The following CAMK2B variants were observed in gnomAD, a reference collection of about 807,000 sequenced individuals.
CAMK2B encodes the protein calcium/calmodulin-dependent protein kinase type II subunit beta.
CAMK2B carries 27 observed loss-of-function variants against 93.7 expected under a neutral mutation model. The observed-to-expected ratio is 0.29, with a 90% CI of 0.21 to 0.40. The LOEUF is 0.40. CAMK2B is among the 10% of genes least tolerant of loss of function. The probability of loss-of-function intolerance (pLI) is 1.00; values close to 1 mark genes in which losing one functional copy is unlikely to be tolerated. For synonymous variants in CAMK2B, 374 were observed against 358.8 expected, an observed-to-expected ratio of 1.04 and a Z score of -0.48; for missense variants, 568 against 895.8, an observed-to-expected ratio of 0.63 and a Z score of 4.67.
chr7:44,258,211 A>G (rs895963642), intron 4 of CAMK2B, among the ~76,000 whole-genome samples: 20 of 152,236 alleles, frequency 1.3e-4, no homozygotes, highest in African/African-American at 4.6e-4. Context: ...TGAAACACTC[A>G]CACATGCACA....
chr7:44,282,018 G>C (rs961436846), intron 2 of CAMK2B, among the ~76,000 whole-genome samples: 1 of 152,206 alleles, frequency 6.6e-6, no homozygotes, highest in Non-Finnish European at 1.5e-5. Context: ...TCCCATTCCA[G>C]AGGCTCTACC....
At chr7:44,280,859 T>A (rs973185815) in intron 2 of CAMK2B, among the ~76,000 whole-genome samples, 1 of 151,870 alleles carries the variant, frequency 6.6e-6, no homozygotes, top group Admixed American at 6.6e-5. Flanking sequence ...CACAAGCAGG[T>A]GAAACGCCCA....
chr7:44,239,965 G>A (rs913236846), intron 12 of CAMK2B, among the ~76,000 whole-genome samples: 8 of 152,168 alleles, frequency 5.3e-5, no homozygotes, highest in Non-Finnish European at 1.2e-4. Flanking sequence ...GTGACCGTGT[G>A]CACGCGTTCC....
chr7:44,258,896 C>T lies in CAMK2B; in HGVS notation c.251G>A (p.Gly84Asp). ...CAGATCGAAGACCAGGTAGTGGAAG[C>T]CCTCCTCGGAGATGCTGTCGTGGAG... is the stretch of plus-strand genomic sequence containing the variant. ...VRLHDSISEE[G>D]FHYLVFDLVT... The change falls in exon 4 of 24, where the codon GGC becomes GAC. Residue 84 changes from glycine to aspartate, a missense_variant. Physicochemically the swap from Gly to Asp is moderately conservative, Grantham distance 94 (BLOSUM62 -1). This residue lies in a region of CAMK2B where 105 missense variants were observed against 372.4 expected (regional missense o/e 0.28). Coordinates refer to ENST00000395749, the MANE Select transcript of CAMK2B (RefSeq NM_001220.5). The T allele has an allele frequency of 6.2e-7, 1 of 1,613,964 alleles. No homozygotes were observed. Among genetic ancestry groups the T allele is most frequent in the Non-Finnish European group, 8.5e-7 (1 of 1,179,946 alleles).
At chr7:44,246,739 C>T (rs2096734614) in intron 6 of CAMK2B, among the ~76,000 whole-genome samples, 1 of 152,216 alleles carries the variant, frequency 6.6e-6, no homozygotes, top group African/African-American at 2.4e-5. Flanking sequence ...CATGTGCACA[C>T]ACACTCACAC....
Position 44,271,553 on chromosome 7 carries a change from C to T in CAMK2B, c.161-8489G>A, listed in dbSNP as rs1027279781. 6.6e-6 allele frequency among the ~76,000 whole-genome samples: 1 copy of T among 152,156 alleles called. No individual in the cohort carries two copies. The highest frequency in any genetic ancestry group is 2.4e-5 in the African/African-American group (1 of 41,452). ...GGCTGTGGGGTGGGGCAGGCAGAGG[C>T]CAGCTCACATCTTGGGGCCAGCACT... On this transcript the variant is annotated intron_variant, in intron 2 of 23. Coordinates refer to ENST00000395749, the MANE Select transcript of CAMK2B (RefSeq NM_001220.5). The surrounding 1 kb of genome is among the most constrained non-coding windows in gnomAD (Gnocchi z 4.2).
chr7:44,270,772 T>A (rs1584443728), intron 2 of CAMK2B, among the ~76,000 whole-genome samples: 2 of 152,192 alleles, frequency 1.3e-5, no homozygotes, highest in East Asian at 3.9e-4. Flanking sequence ...TGGGCACACA[T>A]CTGTCCAATA....
chr7:44,281,166 C>T (rs531102819), intron 2 of CAMK2B, among the ~76,000 whole-genome samples: 63 of 152,376 alleles, frequency 4.1e-4, no homozygotes, highest in Non-Finnish European at 3.4e-4. Context: ...CTGCTGTCAT[C>T]GCAGGGTGGC....
intron 4 of CAMK2B, among the ~76,000 whole-genome samples, chr7:44,257,284 G>T (rs1276481912): frequency 2.6e-5 from 4 of 152,166 alleles, no homozygotes; most frequent in Non-Finnish European, 5.9e-5. Flanking sequence ...GGCCATGGAG[G>T]TTGGTGGGGA....
At chr7:44,236,166 G>T (rs1421636329) in intron 13 of CAMK2B, among the ~76,000 whole-genome samples, 1 of 152,192 alleles carries the variant, frequency 6.6e-6, no homozygotes, top group Non-Finnish European at 1.5e-5. Context: ...GCACCCCGCA[G>T]GGCATAGACA....
rs1478253389 is a variant in CAMK2B at position 44,225,873 on chromosome 7, C to A, written c.1597+643G>T. The A allele has an allele frequency of 3.1e-6, 4 of 1,289,262 alleles. No individual in the cohort carries two copies. Among genetic ancestry groups the A allele is most frequent in the Non-Finnish European group, 4.0e-6 (4 of 988,734 alleles). 79.9% of individuals were successfully genotyped at this position (1,289,262 alleles called of 1,614,324 possible). A position where few individuals can be genotyped will look rare whatever the true frequency, so the allele number is the denominator to read the frequency against. ...CCCCACAGGTGGGGGTGGCAGCAGC[C>A]CTGGGATGTCATCCATCCCTGTAAG... On this transcript the variant is annotated intron_variant, in intron 20 of 23. Coordinates refer to ENST00000395749, the MANE Select transcript of CAMK2B (RefSeq NM_001220.5). This position sits in a 1 kb window ranked among gnomAD's most constrained non-coding sequence, Gnocchi z 5.0.
chr7:44,305,812 A>G (rs1791318651), intron 1 of CAMK2B, among the ~76,000 whole-genome samples: 1 of 152,194 alleles, frequency 6.6e-6, no homozygotes, highest in Non-Finnish European at 1.5e-5. Context: ...GGTGTCAGAG[A>G]CAGCTCTTCC....
intron 19 of CAMK2B, 41 bp downstream of exon 19, chr7:44,228,755 G>T: frequency 7.0e-7 from 1 of 1,433,738 alleles, no homozygotes. Context: ...GCAGGGAGCT[G>T]TCCGGCAGCA....
intron 5 of CAMK2B, among the ~76,000 whole-genome samples, chr7:44,253,751 T>C (rs1044050790): frequency 1.3e-5 from 2 of 152,148 alleles, no homozygotes; most frequent in African/African-American, 4.8e-5. Flanking sequence ...TGTGCCACCA[T>C]GCCTGGCTAC....
Position 44,263,036 on chromosome 7 carries a change from C to A in CAMK2B, c.189G>T (p.Arg63=). 1 of 1,613,628 alleles carries A rather than the reference C, an allele frequency of 6.2e-7. No individual in the cohort carries two copies. Among genetic ancestry groups the A allele is most frequent in the Non-Finnish European group, 8.5e-7 (1 of 1,179,750 alleles). ...RDHQKLEREA[R]ICRLLKHSNI... ...TGGAATGCTTCAGAAGGCGGCAGAT[C>A]CGAGCCTCTCTCTCCAGCTTCTGGT... The change falls in exon 3 of 24, where the codon CGG becomes CGT. Residue 63 remains arginine (R), a synonymous_variant. Transcript: ENST00000395749.
At chr7:44,244,861 G>A (rs2096715186) in intron 6 of CAMK2B, 2 of 449,492 alleles carry the variant, frequency 4.4e-6, no homozygotes, top group South Asian at 3.1e-5. Context: ...GCAGCATTGG[G>A]GGCTTCTGTC....
intron 2 of CAMK2B, among the ~76,000 whole-genome samples, chr7:44,273,094 C>T (rs1202819054): frequency 6.6e-6 from 1 of 152,214 alleles, no homozygotes; most frequent in African/African-American, 2.4e-5. Flanking sequence ...CCCAGGCAAG[C>T]GTCCTCCCCA....
chr7:44,301,932 AC>A (rs546028696), intron 1 of CAMK2B, among the ~76,000 whole-genome samples: 1 of 152,214 alleles, frequency 6.6e-6, no homozygotes, highest in African/African-American at 2.4e-5. Context: ...CAAACAAGAA[AC>A]TGATACAGAA....
intron 5 of CAMK2B, among the ~76,000 whole-genome samples, chr7:44,253,508 C>T (rs183802271): frequency 7.5e-4 from 114 of 152,302 alleles, no homozygotes; most frequent in African/African-American, 2.3e-3. Context: ...CCACCACGCA[C>T]GGCCTAAAAA....
Sources: gnomAD v4.1 joint callset for allele counts (sites outside exome capture counted in the v4.1 genomes callset) on GRCh38, gnomAD v4.1.1 for gene constraint, gnomAD v4.1.1 regional missense constraint, Gnocchi (gnomAD v3.1) non-coding constraint, MANE v1.5 for transcripts, NCBI Gene and HGNC (gene_info 2026-07-23, HGNC 2026-07-21) for gene names.